KIAA1210: variants seen among roughly 807,000 people sequenced by gnomAD.
The protein encoded by KIAA1210 is acrosomal protein KIAA1210.
A neutral mutation model predicts 78.9 loss-of-function variants in KIAA1210; 48 were observed. The observed-to-expected ratio is 0.61, with a 90% CI of 0.48 to 0.77. The LOEUF (loss-of-function observed/expected upper bound fraction) is 0.77. Ranked by LOEUF, KIAA1210 falls within the 30% of genes least tolerant of loss-of-function variation. KIAA1210 has a pLI of 0.00. For missense variants in KIAA1210, 1,108 were observed against 1,100.0 expected (o/e 1.01, Z -0.10); for synonymous variants, 406 against 404.5 (o/e 1.00, Z -0.04).
At chrX:119,106,002 A>G (rs1320876957) in intron 5 of KIAA1210, among the ~76,000 whole-genome samples, 4 of 111,779 alleles carry the variant, frequency 3.6e-5, no homozygotes, top group Non-Finnish European at 7.5e-5. Flanking sequence ...AAGCTGACAT[A>G]CTTGCTTCTG....
intron 2 of KIAA1210, among the ~76,000 whole-genome samples, chrX:119,134,272 C>A (rs1928861339): frequency 8.9e-6 from 1 of 112,247 alleles, no homozygotes; most frequent in East Asian, 2.8e-4. Context: ...ATAACATCCT[C>A]CAGGCTCATT....
chrX:119,091,369 C>G (rs1259615816), intron 8 of KIAA1210, among the ~76,000 whole-genome samples: 1 of 112,213 alleles, frequency 8.9e-6, no homozygotes, highest in African/African-American at 3.2e-5. Context: ...AGCAATCCCA[C>G]TACTGAGTAT....
At chrX:119,138,392 T>C (rs184509536) in intron 2 of KIAA1210, among the ~76,000 whole-genome samples, 16 of 109,914 alleles carry the variant, frequency 1.5e-4, no homozygotes, top group Admixed American at 9.7e-4. Flanking sequence ...CTAATTTTTG[T>C]ATTTTTAGTA....
intron 4 of KIAA1210, among the ~76,000 whole-genome samples, 156 bp from the exon 5 acceptor site, chrX:119,108,627 G>A (rs1473906178): frequency 9.0e-6 from 1 of 110,777 alleles, no homozygotes; most frequent in Non-Finnish European, 1.9e-5. Flanking sequence ...CACTTTGAGA[G>A]GCCAAGGCGG....
rs905072383 is a variant in KIAA1210, at chrX:119,092,133, C to G, written c.955+1534G>C. On this transcript the variant is annotated intron_variant, in intron 8 of 11. Transcript: ENST00000691062. ...AAACCGATCATATGTAATACACATG[C>G]AAAGAAATTCTTGGAATGCCTTAAG... Among the ~76,000 whole-genome samples, 4 of 112,119 alleles carry G rather than the reference C, an allele frequency of 3.6e-5. No homozygotes were observed. In the Admixed American group the frequency reaches 3.8e-4, roughly 11 times the overall value.
rs1927221220 is a variant in KIAA1210 at position 119,088,117 on chromosome X, G to A, written c.2585C>T (p.Thr862Ile). Residue 862 changes from threonine (T) to isoleucine (I), a missense_variant, in exon 9 of 12, where the codon ACA becomes ATA. By Grantham distance (89) the Thr-to-Ile change is moderately conservative. Around this residue, in one of 5 missense-constraint regions of KIAA1210, gnomAD observed 7 missense variants for 21.9 expected, o/e 0.32. Transcript: ENST00000691062. ...CACATAAGTGCCTTCCTCAACAGCT[G>A]TGCTTTCTGAGATTTGCCGGATTTG... ...DPQIRQISES[T>I]AVEEGTYVEP... 1 of 1,209,927 alleles carries A rather than the reference G, an allele frequency of 8.3e-7. No individual in the cohort carries two copies. The highest frequency in any genetic ancestry group is 1.1e-6 in the Non-Finnish European group (1 of 895,126).
At chrX:119,105,927 T>C (rs766858548) in intron 5 of KIAA1210, among the ~76,000 whole-genome samples, 6 of 111,892 alleles carry the variant, frequency 5.4e-5, no homozygotes, top group East Asian at 2.8e-4. Context: ...GAATCTGCAA[T>C]GCATTACACC....
chrX:119,113,311 C>T (rs1037580604), intron 3 of KIAA1210, among the ~76,000 whole-genome samples: 11 of 111,389 alleles, frequency 9.9e-5, no homozygotes, highest in African/African-American at 2.0e-4. Flanking sequence ...TGAATTTTAC[C>T]GTTTAAGTGG....
chrX:119,081,413 T>C lies in KIAA1210; in HGVS notation c.4518A>G (p.Pro1506=), dbSNP rs753078524. 2 of 1,209,225 alleles carry C rather than the reference T, an allele frequency of 1.7e-6. No homozygotes were observed. The highest frequency in any genetic ancestry group is 1.8e-5 in the South Asian group (1 of 56,723). Residue 1506 remains proline (P), a synonymous_variant, in exon 12 of 12, where the codon CCA becomes CCG. Transcript: ENST00000691062. Reference sequence around the variant, plus strand: ...ACCAGACAGGCTCAATTGGCTCAACTGGGTTCTGGAACTTGGCTGGGAGAG... The same window carrying C: ...ACCAGACAGGCTCAATTGGCTCAACCGGGTTCTGGAACTTGGCTGGGAGAG... ...SSTLPAKFQN[P]VEPIEPVWFS...
chrX:119,140,531 TAAA>T (rs5903548), intron 2 of KIAA1210, among the ~76,000 whole-genome samples: 16 of 62,654 alleles, frequency 2.6e-4, no homozygotes, highest in African/African-American at 7.5e-4. Flanking sequence ...GACTCTTTCT[TAAA>T]AAAAAAAAAA....
chrX:119,094,373 T>C (rs1206507271), intron 7 of KIAA1210, among the ~76,000 whole-genome samples: 1 of 112,032 alleles, frequency 8.9e-6, no homozygotes, highest in South Asian at 3.8e-4. Flanking sequence ...ATAATTACAA[T>C]ACAGCTCTGG....
At position 119,149,346 on chromosome X, in the gene KIAA1210, A is replaced by G. The variant is rs767393456; in HGVS notation, c.289+945T>C. Among the ~76,000 whole-genome samples the G allele has an allele frequency of 2.9e-3, 320 of 111,391 alleles. 1 individual carries two copies. Among genetic ancestry groups the G allele is most frequent in the Non-Finnish European group, 4.5e-3 (241 of 53,044 alleles). On this transcript the variant is annotated intron_variant, in intron 1 of 13. Coordinates refer to the KIAA1210 transcript ENST00000402510. ...TCGTTCAGTCAACAAGATTCTTTCA[A>G]CAAATACTTGTGCCAGACACTGTGC...
intron 2 of KIAA1210, among the ~76,000 whole-genome samples, chrX:119,118,884 A>G (rs1158746769): frequency 8.9e-6 from 1 of 112,283 alleles, no homozygotes; most frequent in African/African-American, 3.2e-5. Context: ...ATAGCTCCCT[A>G]TGTCTTAGCT....
At chrX:119,150,364 A>C in exon 1 of KIAA1210, 1 of 1,209,792 alleles carries the variant, frequency 8.3e-7, no homozygotes, top group Non-Finnish European at 1.1e-6. Flanking sequence ...TTTCCAGGTC[A>C]GTCACTGCAG....
chrX:119,089,249 C>T lies in KIAA1210; in HGVS notation c.1453G>A (p.Glu485Lys), dbSNP rs776023532. 8.3e-7 allele frequency: 1 copy of T among 1,211,615 alleles called. No individual in the cohort carries two copies. The highest frequency in any genetic ancestry group is 3.0e-5 in the East Asian group (1 of 33,855). ...AGAGAAGCTCTGGCTTCTGTCTTCT[C>T]AGCTCCAGAAGCTGCATCTTCATGG... is the stretch of plus-strand genomic sequence containing the variant. ...PYHEDAASGA[E>K]KTEARASLSL... The change falls in exon 9 of 12, where the codon GAG becomes AAG. Residue 485 changes from glutamate (E) to lysine (K), a missense_variant. By Grantham distance (56) the Glu-to-Lys change is moderately conservative. Transcript: ENST00000691062.
Position 119,081,089 on chromosome X carries a change from C to A in KIAA1210, c.*240G>T, listed in dbSNP as rs190683766. 2.2e-3 allele frequency: 504 copies of A among 228,492 alleles called. 1 individual carries two copies. The highest frequency in any genetic ancestry group is 3.3e-3 in the Non-Finnish European group (430 of 130,468). 18.8% of individuals were successfully genotyped at this position (228,492 alleles called of 1,213,427 possible). A position where few individuals can be genotyped will look rare whatever the true frequency, so the allele number is the denominator to read the frequency against. On this transcript the variant is annotated 3_prime_UTR_variant, in exon 12 of 12. Coordinates refer to ENST00000691062, the MANE Select transcript of KIAA1210 (RefSeq NM_001394962.1). ...CCATCCTGGCCAACATGGTGAAACC[C>A]CGTCTCTACTAAAAATACGAAAACA...
At chrX:119,147,616 G>A in intron 1 of KIAA1210, 1 of 1,204,461 alleles carries the variant, frequency 8.3e-7, no homozygotes, top group Admixed American at 2.2e-5. Context: ...ACATTATCAG[G>A]AGTTAATCAT....
intron 9 of KIAA1210, 117 bp downstream of exon 9, chrX:119,086,429 T>C: frequency 1.4e-6 from 1 of 714,994 alleles, no homozygotes; most frequent in Non-Finnish European, 2.1e-6. Context: ...AAACCAGCCC[T>C]ATCAAAGCCA....
chrX:119,107,817 G>A (rs1927937964), intron 5 of KIAA1210, among the ~76,000 whole-genome samples: 1 of 111,897 alleles, frequency 8.9e-6, no homozygotes, highest in Non-Finnish European at 1.9e-5. Context: ...GCTGAGACGG[G>A]GAAGGCAGCT....
Sources: allele counts gnomAD v4.1 joint callset (sites outside exome capture counted in the v4.1 genomes callset), GRCh38; gene constraint gnomAD v4.1.1; regional missense constraint gnomAD v4.1.1; transcripts MANE v1.5; gene names NCBI Gene and HGNC (gene_info 2026-07-23, HGNC 2026-07-21).